Variants in HS3ST2 observed in about 807,000 individuals in gnomAD.
HS3ST2 encodes heparan sulfate-glucosamine 3-sulfotransferase 2.
HS3ST2 carries 17 observed loss-of-function variants against 26.3 expected under a neutral mutation model. The observed-to-expected ratio is 0.65, with a 90% CI of 0.44 to 0.97. The LOEUF (loss-of-function observed/expected upper bound fraction) is 0.97, where lower values mean the gene tolerates loss of function less well. HS3ST2 is among the 50% of genes least tolerant of loss of function. The pLI, the probability that HS3ST2 is intolerant of heterozygous loss-of-function variation, is 0.00. For missense variants in HS3ST2, 402 were observed against 501.2 expected (o/e 0.80, Z 1.89); for synonymous variants, 237 against 219.2 (o/e 1.08, Z -0.72).
chr16:22,891,314 C>T (rs1172311715), intron 1 of HS3ST2, among the ~76,000 whole-genome samples: 2 of 152,212 alleles, frequency 1.3e-5, no homozygotes, highest in African/African-American at 4.8e-5. Context: ...AATTTCCACG[C>T]ATCGTCTCGA....
At chr16:22,815,909 A>C (rs1900860466) in intron 1 of HS3ST2, among the ~76,000 whole-genome samples, 1 of 152,256 alleles carries the variant, frequency 6.6e-6, no homozygotes, top group Non-Finnish European at 1.5e-5. Flanking sequence ...ACCAGCAGCC[A>C]AAATGTGGAA....
intron 1 of HS3ST2, among the ~76,000 whole-genome samples, chr16:22,851,291 A>G (rs1901514861): frequency 6.6e-6 from 1 of 152,166 alleles, no homozygotes; most frequent in African/African-American, 2.4e-5. Context: ...ATTTATATAA[A>G]CCACCTGCAT....
At chr16:22,872,158 T>C (rs1567493191) in intron 1 of HS3ST2, among the ~76,000 whole-genome samples, 1 of 152,340 alleles carries the variant, frequency 6.6e-6, no homozygotes, top group East Asian at 1.9e-4. Flanking sequence ...GACAATCTTG[T>C]GATTTGTCAG....
At chr16:22,879,386 T>C (rs754052927) in intron 1 of HS3ST2, among the ~76,000 whole-genome samples, 21 of 152,222 alleles carry the variant, frequency 1.4e-4, no homozygotes, top group Non-Finnish European at 1.3e-4. Context: ...GAACTGTTAC[T>C]GGGCTCTCCA....
At chr16:22,837,568 T>C (rs527699936) in intron 1 of HS3ST2, among the ~76,000 whole-genome samples, 15 of 122,160 alleles carry the variant, frequency 1.2e-4, no homozygotes, top group South Asian at 4.4e-4. Flanking sequence ...TATATATACA[T>C]ATATATATAT....
chr16:22,842,887 G>A (rs192403342), intron 1 of HS3ST2, among the ~76,000 whole-genome samples: 4 of 152,262 alleles, frequency 2.6e-5, no homozygotes, highest in Non-Finnish European at 2.9e-5. Context: ...TAGAGCTTTT[G>A]CCAAAACTGG....
At position 22,836,460 on chromosome 16, in the gene HS3ST2, C is replaced by A. The variant is rs1901255996; in HGVS notation, c.485+21365C>A. On this transcript the variant is annotated intron_variant, in intron 1 of 1. Coordinates refer to ENST00000261374, the MANE Select transcript of HS3ST2 (RefSeq NM_006043.2). The stretch of plus-strand genomic sequence containing the variant: ...GGAGGATGTTAACTCTGATGCTGCA[C>A]TTAAGTCTTATAACTGTATCAACCA... Among the ~76,000 whole-genome samples the A allele has an allele frequency of 3.3e-5, 5 of 152,308 alleles. No homozygotes were observed. In the South Asian group the frequency reaches 1.0e-3, roughly 32 times the overall value.
chr16:22,817,689 T>C (rs208954), intron 1 of HS3ST2, among the ~76,000 whole-genome samples: 42,068 of 151,988 alleles, frequency 0.28, 6,172 homozygotes, highest in African/African-American at 0.37. Context: ...AAAGCCAGGG[T>C]CCACTGGGCA....
At chr16:22,878,824 A>G (rs946239840) in intron 1 of HS3ST2, among the ~76,000 whole-genome samples, 6 of 152,074 alleles carry the variant, frequency 3.9e-5, no homozygotes, top group African/African-American at 1.4e-4. Context: ...AAGCACTTCC[A>G]TGCAGGGTGG....
intron 1 of HS3ST2, among the ~76,000 whole-genome samples, chr16:22,895,041 G>A (rs1292743482): frequency 6.7e-6 from 1 of 150,208 alleles, no homozygotes; most frequent in Non-Finnish European, 1.5e-5. Context: ...TTCCAACTAT[G>A]AATTGGTCCC....
At chr16:22,904,865 T>G (rs551560093) in intron 1 of HS3ST2, among the ~76,000 whole-genome samples, 4 of 152,300 alleles carry the variant, frequency 2.6e-5, no homozygotes, top group African/African-American at 9.6e-5. Context: ...TTTGGGGCTG[T>G]GGACTTGGAA....
chr16:22,911,826 T>C (rs1475963941), intron 1 of HS3ST2, among the ~76,000 whole-genome samples: 1 of 152,218 alleles, frequency 6.6e-6, no homozygotes, highest in Non-Finnish European at 1.5e-5. Context: ...AAGGTCACGT[T>C]CAAATGTTCT....
intron 1 of HS3ST2, among the ~76,000 whole-genome samples, chr16:22,884,469 C>T (rs941073094): frequency 1.3e-5 from 2 of 151,988 alleles, no homozygotes; most frequent in African/African-American, 4.8e-5. Flanking sequence ...GTTTGCGGGA[C>T]TCTCCGTAAC....
chr16:22,851,507 G>C (rs1901517700), intron 1 of HS3ST2, among the ~76,000 whole-genome samples: 2 of 152,126 alleles, frequency 1.3e-5, no homozygotes, highest in Non-Finnish European at 2.9e-5. Flanking sequence ...TTGCAGCCCA[G>C]CTGTCTCCTC....
At chr16:22,815,440 A>C (rs945805356) in intron 1 of HS3ST2, among the ~76,000 whole-genome samples, 4 of 152,192 alleles carry the variant, frequency 2.6e-5, no homozygotes, top group African/African-American at 9.7e-5. Context: ...CTGCCTGAAC[A>C]CGGCACCATC....
chr16:22,866,532 G>A (rs1044928510), intron 1 of HS3ST2, among the ~76,000 whole-genome samples: 6 of 152,130 alleles, frequency 3.9e-5, no homozygotes, highest in African/African-American at 1.4e-4. Context: ...TACATTGGGA[G>A]GCTAAGGCAG....
chr16:22,819,770 A>G (rs1167257812), intron 1 of HS3ST2, among the ~76,000 whole-genome samples: 1 of 152,258 alleles, frequency 6.6e-6, no homozygotes, highest in Non-Finnish European at 1.5e-5. Context: ...CAGAGGCAAC[A>G]GTCTAAGTAC....
chr16:22,814,638 G>T lies in HS3ST2; in HGVS notation c.28G>T (p.Gly10Trp), dbSNP rs1367271106. ...GGCCTATAGGGTCCTGGGCCGCGCG[G>T]GGCCACCTCAGCCGCGGAGGGCGCG... Reference protein sequence around the residue: MAYRVLGRAGPPQPRRARRL... With the variant: MAYRVLGRAWPPQPRRARRL... The change falls in exon 1 of 2, where the codon GGG (glycine) becomes TGG (tryptophan). Residue 10 changes from glycine to tryptophan, a missense_variant. This residue lies in a region of HS3ST2 where 165 missense variants were observed against 154.6 expected (regional missense o/e 1.07). Coordinates refer to ENST00000261374, the MANE Select transcript of HS3ST2 (RefSeq NM_006043.2). 1.3e-6 allele frequency: 2 copies of T among 1,554,202 alleles called. No individual in the cohort carries two copies. The highest frequency in any genetic ancestry group is 1.7e-6 in the Non-Finnish European group (2 of 1,150,488).
intron 1 of HS3ST2, among the ~76,000 whole-genome samples, chr16:22,910,888 C>T (rs1185222647): frequency 2.0e-5 from 3 of 152,010 alleles, no homozygotes; most frequent in African/African-American, 4.8e-5. Context: ...GATGGTTGCA[C>T]ATAAGGATTA....
Sources: gnomAD v4.1 joint callset for allele counts (sites outside exome capture counted in the v4.1 genomes callset) on GRCh38, gnomAD v4.1.1 for gene constraint, gnomAD v4.1.1 regional missense constraint, MANE v1.5 for transcripts, NCBI Gene and HGNC (gene_info 2026-07-23, HGNC 2026-07-21) for gene names.